ZNF589: variants seen among roughly 807,000 people sequenced by gnomAD.
The protein encoded by ZNF589 is zinc finger protein 589.
ZNF589 carries 17 observed loss-of-function variants against 13.6 expected under a neutral mutation model. That is an observed-to-expected ratio of 1.25 (90% CI 0.86 to 1.88). The LOEUF (loss-of-function observed/expected upper bound fraction) is 1.88, where lower values mean the gene tolerates loss of function less well. ZNF589 is among the 40% of genes most tolerant of loss of function. ZNF589 has a pLI of 0.00. For missense variants in ZNF589, 407 were observed against 434.0 expected (o/e 0.94, Z 0.55); for synonymous variants, 148 against 161.6 (o/e 0.92, Z 0.64).
At chr3:48,262,701 CCTT>C (rs999715008) in intron 3 of ZNF589, among the ~76,000 whole-genome samples, 7 of 152,184 alleles carry the variant, frequency 4.6e-5, no homozygotes, top group African/African-American at 9.7e-5. Flanking sequence ...TTCTCTCTCT[CCTT>C]CTTTTTTTCT....
chr3:48,268,111 T>C lies in ZNF589; in HGVS notation c.420T>C (p.Ala140=), dbSNP rs913634414. 6.2e-7 allele frequency: 1 copy of C among 1,614,184 alleles called. No homozygotes were observed. Among genetic ancestry groups the C allele is most frequent in the African/African-American group, 1.3e-5 (1 of 75,046 alleles). The change falls in exon 4 of 4, where the codon GCT becomes GCC. Residue 140 remains alanine, a synonymous_variant. Transcript: ENST00000354698. ...QHPSDKNHRG[A]EAEDQRVEGG... ...CTTCTGATAAAAATCACAGGGGGGC[T>C]GAAGCAGAAGATCAACGAGTGGAAG...
rs1338116944 is a variant in ZNF589, at chr3:48,270,326, G to A, written c.*1540G>A. ...AGACTCAGGACTTAAACATAGCCACGCCACCTTGGCCTTCAATGACAGGGA... is the reference window on the plus strand; with the variant it reads ...AGACTCAGGACTTAAACATAGCCACACCACCTTGGCCTTCAATGACAGGGA... On this transcript the variant is annotated 3_prime_UTR_variant, in exon 4 of 4. Coordinates refer to ENST00000354698, the MANE Select transcript of ZNF589 (RefSeq NM_016089.3). 1 of 421,992 alleles carries A rather than the reference G, an allele frequency of 2.4e-6. No homozygotes were observed. 26.1% of individuals were successfully genotyped at this position (421,992 alleles called of 1,614,324 possible).
At position 48,268,098 on chromosome 3, in the gene ZNF589, A is replaced by G; in HGVS notation, c.407A>G (p.Asn136Ser). 1 of 1,614,240 alleles carries G rather than the reference A, an allele frequency of 6.2e-7. No homozygotes were observed. Among genetic ancestry groups the G allele is most frequent in the Non-Finnish European group, 8.5e-7 (1 of 1,180,040 alleles). The change falls in exon 4 of 4, where the codon AAT becomes AGT. Residue 136 changes from asparagine to serine, a missense_variant. Transcript: ENST00000354698. ...QPQSQHPSDK[N>S]HRGAEAEDQR... ...CAGTCACAACATCCTTCTGATAAAAATCACAGGGGGGCTGAAGCAGAAGAT... is the reference window on the plus strand; with the variant it reads ...CAGTCACAACATCCTTCTGATAAAAGTCACAGGGGGGCTGAAGCAGAAGAT...
chr3:48,264,983 T>A (rs1425192144), intron 3 of ZNF589, among the ~76,000 whole-genome samples: 2 of 152,062 alleles, frequency 1.3e-5, no homozygotes, highest in Non-Finnish European at 2.9e-5. Flanking sequence ...AATATTTAAA[T>A]TTTTTTGAGA....
intron 2 of ZNF589, among the ~76,000 whole-genome samples, chr3:48,257,771 T>C (rs2033924536): frequency 6.6e-6 from 1 of 152,162 alleles, no homozygotes; most frequent in African/African-American, 2.4e-5. Context: ...GAGGTTAATT[T>C]TTTTGTCTGT....
Position 48,268,645 on chromosome 3 carries a change from C to T in ZNF589, c.954C>T (p.Tyr318=). 6.2e-7 allele frequency: 1 copy of T among 1,612,298 alleles called. No homozygotes were observed. The highest frequency in any genetic ancestry group is 1.1e-5 in the South Asian group (1 of 90,976). Residue 318 remains tyrosine (Y), a synonymous_variant, in exon 4 of 4, where the codon TAC becomes TAT. Coordinates refer to ENST00000354698, the MANE Select transcript of ZNF589 (RefSeq NM_016089.3). ...GGCGAGGCTTTAGCTGCAAGCCATA[C>T]CTCATCAGACATCAGAGGACACACA... The part of the protein sequence containing the change: ...HCGRGFSCKP[Y]LIRHQRTHTR...
rs112709427 is a variant in ZNF589 at position 48,263,189 on chromosome 3, A to G, written c.223+2250A>G. 2.0e-3 allele frequency among the ~76,000 whole-genome samples: 298 copies of G among 151,766 alleles called. 1 individual carries two copies. Among genetic ancestry groups the G allele is most frequent in the African/African-American group, 6.9e-3 (284 of 41,348 alleles). On this transcript the variant is annotated intron_variant, in intron 3 of 3. Coordinates refer to ENST00000354698, the MANE Select transcript of ZNF589 (RefSeq NM_016089.3). ...CAATGGTGCAATCTCAGCTCACTGC[A>G]ACCTCTGCCTCCCTGGTTCAAGTGA...
chr3:48,266,179 AAAG>A (rs1247609687), intron 3 of ZNF589, among the ~76,000 whole-genome samples: 1 of 152,236 alleles, frequency 6.6e-6, no homozygotes, highest in Admixed American at 6.5e-5. Flanking sequence ...CCTTTGAAGA[AAAG>A]AAGCCAGTGA....
intron 1 of ZNF589, among the ~76,000 whole-genome samples, chr3:48,245,849 A>G (rs555631946): frequency 6.6e-6 from 1 of 151,960 alleles, no homozygotes; most frequent in Non-Finnish European, 1.5e-5. Context: ...TGGGAGGCTG[A>G]TGCAGGAGAA....
At position 48,268,821 on chromosome 3, in the gene ZNF589, C is replaced by A. The variant is rs369664495; in HGVS notation, c.*35C>A. ...TTTGTAAGGAGATCATGTCTCAACA[C>A]ACACCAGAGGATACATTCAGATGAG... is the stretch of plus-strand genomic sequence containing the variant. On this transcript the variant is annotated 3_prime_UTR_variant, in exon 4 of 4. Coordinates refer to ENST00000354698, the MANE Select transcript of ZNF589 (RefSeq NM_016089.3). The A allele has an allele frequency of 1.6e-5, 26 of 1,584,914 alleles. No homozygotes were observed. The highest frequency in any genetic ancestry group is 2.2e-5 in the Non-Finnish European group (26 of 1,166,116).
intron 1 of ZNF589, among the ~76,000 whole-genome samples, chr3:48,245,070 C>G (rs1166504076): frequency 6.6e-6 from 1 of 152,086 alleles, no homozygotes; most frequent in Non-Finnish European, 1.5e-5. Flanking sequence ...TCCCGAAGTG[C>G]TGGGATTATG....
At position 48,247,707 on chromosome 3, in the gene ZNF589, A is replaced by G. The variant is rs374567671; in HGVS notation, c.96+30A>G. 48 of 1,610,028 alleles carry G rather than the reference A, an allele frequency of 3.0e-5. No individual in the cohort carries two copies. The African/African-American group carries it at 5.6e-4, about 19-fold the overall frequency. Reference sequence around the variant, plus strand: ...GTTGGGCCCGCCCTTCTCTTTTCTGAAATGCTGGCTCATTTCTCAGAGAAT... The same window carrying G: ...GTTGGGCCCGCCCTTCTCTTTTCTGGAATGCTGGCTCATTTCTCAGAGAAT... On this transcript the variant is annotated intron_variant, in intron 2 of 3. Coordinates refer to ENST00000354698, the MANE Select transcript of ZNF589 (RefSeq NM_016089.3).
Position 48,270,957 on chromosome 3 carries a change from G to A in ZNF589, c.*2171G>A, listed in dbSNP as rs899924295. On this transcript the variant is annotated 3_prime_UTR_variant, in exon 4 of 4. Coordinates refer to ENST00000354698, the MANE Select transcript of ZNF589 (RefSeq NM_016089.3). ...TCTTGCTGACTTCAAGAATGAAGCC[G>A]TGGACCCTCACGGTGAGTGTTACAA... is the stretch of plus-strand genomic sequence containing the variant. 7.2e-5 allele frequency: 14 copies of A among 193,588 alleles called. No individual in the cohort carries two copies. The highest frequency in any genetic ancestry group is 1.1e-4 in the South Asian group (1 of 8,856). The allele number at this position is 193,588 out of a possible 1,614,324, so 12.0% of individuals were successfully genotyped here. A position where few individuals can be genotyped will look rare whatever the true frequency, so the allele number is the denominator to read the frequency against.
At chr3:48,250,341 C>CG (rs1261438134) in intron 2 of ZNF589, among the ~76,000 whole-genome samples, 2 of 141,758 alleles carry the variant, frequency 1.4e-5, no homozygotes, top group Non-Finnish European at 3.0e-5. Context: ...TAAATAGAGA[C>CG]GGGTCTCACT....
chr3:48,243,937 T>A (rs929024790), intron 1 of ZNF589, among the ~76,000 whole-genome samples: 2 of 152,178 alleles, frequency 1.3e-5, no homozygotes, highest in Non-Finnish European at 2.9e-5. Flanking sequence ...CCCAGATGTG[T>A]CCAACATGGG....
At chr3:48,262,878 G>A (rs2033981646) in intron 3 of ZNF589, among the ~76,000 whole-genome samples, 1 of 152,112 alleles carries the variant, frequency 6.6e-6, no homozygotes, top group African/African-American at 2.4e-5. Flanking sequence ...CATCACTCAT[G>A]GCAGTGCTGG....
rs116720104 is a variant in ZNF589, at chr3:48,263,110, T to G, written c.223+2171T>G. Among the ~76,000 whole-genome samples, 587 of 152,258 alleles carry G rather than the reference T, an allele frequency of 3.9e-3. 4 individuals carry two copies. Among genetic ancestry groups the G allele is most frequent in the African/African-American group, 0.014 (568 of 41,550 alleles). ...TATTTTTATTGTAAATTACTTTCTT[T>G]TTTTCTTTTTTTTTTTGAGACGGAG... On this transcript the variant is annotated intron_variant, in intron 3 of 3. Transcript: ENST00000354698.
At chr3:48,257,037 T>G (rs1483888802) in intron 2 of ZNF589, 1 of 526,374 alleles carries the variant, frequency 1.9e-6, no homozygotes, top group Non-Finnish European at 3.7e-6. Flanking sequence ...GTAATTCTTC[T>G]TGGGCATTTC....
At chr3:48,259,584 G>A (rs936427) in intron 2 of ZNF589, among the ~76,000 whole-genome samples, 32,861 of 152,190 alleles carry the variant, frequency 0.22, 4,420 homozygotes, top group Non-Finnish European at 0.3. Flanking sequence ...CTGAGTCAGA[G>A]AAGAGGTACT....
Sources: gnomAD v4.1 joint callset for allele counts (sites outside exome capture counted in the v4.1 genomes callset) on GRCh38, gnomAD v4.1.1 for gene constraint, MANE v1.5 for transcripts, NCBI Gene and HGNC (gene_info 2026-07-23, HGNC 2026-07-21) for gene names.